The following ZNF558 variants were observed in gnomAD, a reference collection of about 807,000 sequenced individuals.
The protein encoded by ZNF558 is zinc finger protein 558.
A neutral mutation model predicts 37.6 loss-of-function variants in ZNF558; 23 were observed. The observed-to-expected ratio is 0.61, with a 90% CI of 0.44 to 0.87. The LOEUF is 0.87. Ranked by LOEUF, ZNF558 falls within the 40% of genes least tolerant of loss-of-function variation. ZNF558 has a pLI of 0.00. For missense variants in ZNF558, 429 were observed against 483.7 expected (o/e 0.89, Z 1.06); for synonymous variants, 189 against 174.4 (o/e 1.08, Z -0.66).
rs186541987 is a variant in ZNF558 at position 8,810,031 on chromosome 19, C to T, written c.*1250G>A. On this transcript the variant is annotated 3_prime_UTR_variant, in exon 10 of 10. Transcript: ENST00000601372. ...TTAATATACTCATAGGTTTTGCATC[C>T]AGGGAGAAGTTCCATATTTTCCCTA... is the stretch of plus-strand genomic sequence containing the variant. 1 of 152,258 alleles carries T rather than the reference C, an allele frequency of 6.6e-6. No individual in the cohort carries two copies. 9.4% of individuals were successfully genotyped at this position (152,258 alleles called of 1,614,324 possible).
chr19:8,813,044 C>T, intron 8 of ZNF558, 83 bp downstream of exon 8: 1 of 1,076,986 alleles, frequency 9.3e-7, no homozygotes, highest in Non-Finnish European at 1.4e-6. Context: ...CCCTGATTGA[C>T]ATGAACTAAT....
intron 2 of ZNF558, among the ~76,000 whole-genome samples, chr19:8,828,038 G>C (rs1359521478): frequency 2.6e-5 from 4 of 152,148 alleles, no homozygotes; most frequent in African/African-American, 9.7e-5. Context: ...CCTATGACTA[G>C]CTACATCTGA....
chr19:8,827,245 G>A (rs1369499137), intron 2 of ZNF558, among the ~76,000 whole-genome samples: 4 of 152,182 alleles, frequency 2.6e-5, no homozygotes, highest in Admixed American at 2.6e-4. Flanking sequence ...ACAACTTCTG[G>A]TGATGATGGA....
intron 2 of ZNF558, among the ~76,000 whole-genome samples, chr19:8,829,050 TCAGGAGATTAAGAC>T (rs1268673200): frequency 1.3e-5 from 2 of 150,114 alleles, no homozygotes; most frequent in Admixed American, 6.7e-5. Flanking sequence ...GATCACGAAG[TCAGGAGATTAAGAC>T]CAGCCGGGCC....
At chr19:8,832,170 C>T (rs1368215138) in intron 1 of ZNF558, 39 bp downstream of exon 1, 1 of 152,178 alleles carries the variant, frequency 6.6e-6, no homozygotes, top group Admixed American at 6.5e-5. Flanking sequence ...GCCCACGTCG[C>T]CCCCTGGACT....
intron 4 of ZNF558, chr19:8,823,014 G>C: frequency 3.5e-6 from 1 of 285,630 alleles, no homozygotes; most frequent in Admixed American, 4.2e-5. Flanking sequence ...CACCACAAAC[G>C]CATTCCCGGC....
At chr19:8,818,908 G>A (rs902718276) in intron 7 of ZNF558, among the ~76,000 whole-genome samples, 2 of 152,158 alleles carry the variant, frequency 1.3e-5, no homozygotes, top group African/African-American at 4.8e-5. Context: ...TTCAATAAGG[G>A]TACCAAGGTC....
upstream of ZNF558, among the ~76,000 whole-genome samples, chr19:8,835,909 A>C (rs576830863): frequency 1.3e-5 from 2 of 152,362 alleles, no homozygotes; most frequent in Admixed American, 6.5e-5. Context: ...GAAGCCACTC[A>C]TAAAAAACCC....
chr19:8,834,033 A>C (rs554127071), upstream of ZNF558, among the ~76,000 whole-genome samples: 1 of 152,230 alleles, frequency 6.6e-6, no homozygotes, highest in East Asian at 1.9e-4. Context: ...ACAAAAAAAG[A>C]TACTGGTAAG....
At position 8,808,298 on chromosome 19, in the gene ZNF558, A is replaced by G. The variant is rs1222517982; in HGVS notation, c.*2983T>C. The G allele has an allele frequency of 8.5e-6, 1 of 117,708 alleles. No homozygotes were observed. Among genetic ancestry groups the G allele is most frequent in the African/African-American group, 3.6e-5 (1 of 27,424 alleles). 7.3% of individuals were successfully genotyped at this position (117,708 alleles called of 1,614,324 possible). A position where few individuals can be genotyped will look rare whatever the true frequency, so the allele number is the denominator to read the frequency against. The stretch of plus-strand genomic sequence containing the variant: ...ACTCCACCCTTGATGACAAGAGTGA[A>G]ACTCCATCTAAAATAAATAAATAAA... On this transcript the variant is annotated 3_prime_UTR_variant, in exon 10 of 10. Transcript: ENST00000601372.
the ZNF558 span, among the ~76,000 whole-genome samples, chr19:8,838,036 C>G: frequency 6.6e-6 from 1 of 151,732 alleles, no homozygotes; most frequent in Non-Finnish European, 1.5e-5. Flanking sequence ...ATCATGACAT[C>G]AAGAGATTGA....
At chr19:8,838,139 T>G in the ZNF558 span, among the ~76,000 whole-genome samples, 2 of 150,194 alleles carry the variant, frequency 1.3e-5, no homozygotes, top group Non-Finnish European at 3.0e-5. Context: ...TCCCAGCTAC[T>G]CAGGAGGCTG....
At chr19:8,834,628 C>G (rs1438378869), upstream of ZNF558, among the ~76,000 whole-genome samples, 1 of 138,338 alleles carries the variant, frequency 7.2e-6, no homozygotes, top group Non-Finnish European at 1.6e-5. Flanking sequence ...AAACCAAAAC[C>G]AAAAAAAAAC....
At chr19:8,823,024 C>G in intron 4 of ZNF558, 1 of 273,406 alleles carries the variant, frequency 3.7e-6, no homozygotes, top group Non-Finnish European at 7.3e-6. Flanking sequence ...GCATTCCCGG[C>G]TACTCCCTCC....
Position 8,811,877 on chromosome 19 carries a change from C to A in ZNF558, c.613G>T (p.Glu205Ter), listed in dbSNP as rs1289168718. The stretch of plus-strand genomic sequence containing the variant: ...CAGTGATTGCATTCATAGGGTTTCT[C>A]CCCATTATGGATTCTCTTATGAATA... ...LTIHKRIHNG[E>*]KPYECNHCGK... Residue 205 changes from glutamate to a stop codon, truncating the protein, a stop_gained, in exon 10 of 10, where the codon GAG (glutamate) becomes TAG (stop). Transcript: ENST00000601372. LOFTEE classifies it high-confidence loss of function. The A allele has an allele frequency of 2.5e-6, 4 of 1,613,986 alleles. No homozygotes were observed. The highest frequency in any genetic ancestry group is 2.7e-5 in the African/African-American group (2 of 74,914).
At chr19:8,832,737 C>T (rs778655912), upstream of ZNF558, among the ~76,000 whole-genome samples, 193 of 151,182 alleles carry the variant, frequency 1.3e-3, 1 homozygote, top group Admixed American at 1.9e-3. Context: ...TGGTATAAGG[C>T]TTCTAGAGCG....
intron 2 of ZNF558, among the ~76,000 whole-genome samples, chr19:8,826,180 G>A (rs2044227388): frequency 6.6e-6 from 1 of 152,078 alleles, no homozygotes; most frequent in Admixed American, 6.6e-5. Context: ...CTAGAGCAGT[G>A]GTCCCCAACC....
Position 8,825,463 on chromosome 19 carries a change from AC to A in ZNF558, c.-508-356del, listed in dbSNP as rs148673416. Among the ~76,000 whole-genome samples the A allele has an allele frequency of 4.1e-3, 624 of 152,132 alleles. 4 individuals are homozygous for A. Among genetic ancestry groups the A allele is most frequent in the Non-Finnish European group, 7.5e-3 (507 of 67,994 alleles). ...CCCCAAACCAAAACCAAAACAAAGA[AC>A]CCCTGAAAAGATTTCTAGGTATTCA... On this transcript the variant is annotated intron_variant, in intron 2 of 9. Transcript: ENST00000601372.
rs1276734797 is a variant in ZNF558, at chr19:8,809,985, T to C, written c.*1296A>G. The C allele has an allele frequency of 1.7e-4, 26 of 152,154 alleles. No homozygotes were observed. Among genetic ancestry groups the C allele is most frequent in the African/African-American group, 6.3e-4 (26 of 41,432 alleles). 9.4% of individuals were successfully genotyped at this position (152,154 alleles called of 1,614,324 possible). ...CTCTCATATACAAGAAAGAGAAGAA[T>C]CACTGAAAAATTTTCCAATATTAAT... On this transcript the variant is annotated 3_prime_UTR_variant, in exon 10 of 10. Coordinates refer to ENST00000601372, the MANE Select transcript of ZNF558 (RefSeq NM_144693.3).
Sources: gnomAD v4.1 joint callset for allele counts (sites outside exome capture counted in the v4.1 genomes callset) on GRCh38, gnomAD v4.1.1 for gene constraint, MANE v1.5 for transcripts, NCBI Gene and HGNC (gene_info 2026-07-23, HGNC 2026-07-21) for gene names.